The following CTNNA3 variants were observed in gnomAD, a reference collection of about 807,000 sequenced individuals.
CTNNA3 encodes the protein catenin alpha-3.
In CTNNA3, 76 loss-of-function variants were observed where a neutral mutation model predicts 95.7. The ratio of observed to expected loss-of-function variants is 0.79; its 90% CI spans 0.66 to 0.96. The LOEUF is 0.96. CTNNA3 is among the 40% of genes least tolerant of loss of function. CTNNA3 has a pLI of 0.00. For synonymous variants in CTNNA3, 431 were observed against 374.4 expected (o/e 1.15, Z -1.74); for missense variants, 1,191 against 1,089.8 (o/e 1.09, Z -1.31).
chr10:65,986,799 G>A (rs1163017177), intron 16 of CTNNA3, among the ~76,000 whole-genome samples: 1 of 151,272 alleles, frequency 6.6e-6, no homozygotes, highest in Non-Finnish European at 1.5e-5. Flanking sequence ...ACACGACCTG[G>A]CTTCAAAATA....
At chr10:66,385,234 C>T (rs192236208) in intron 11 of CTNNA3, among the ~76,000 whole-genome samples, 185 of 152,072 alleles carry the variant, frequency 1.2e-3, no homozygotes, top group African/African-American at 4.1e-3. Context: ...ATCAAATGAA[C>T]GCAATAAAAA....
At chr10:66,761,303 C>T (rs1466768516) in intron 9 of CTNNA3, among the ~76,000 whole-genome samples, 1 of 151,968 alleles carries the variant, frequency 6.6e-6, no homozygotes, top group Non-Finnish European at 1.5e-5. Flanking sequence ...CCACTTTTTC[C>T]TTTCTGATGA....
chr10:66,597,550 A>ATT lies in CTNNA3; in HGVS notation c.1374+24141_1374+24142insAA, dbSNP rs1843762666. Among the ~76,000 whole-genome samples, 4 of 133,122 alleles carry ATT rather than the reference A, an allele frequency of 3.0e-5. No individual in the cohort carries two copies. In the South Asian group the frequency reaches 9.7e-4, roughly 32 times the overall value. The allele number at this position is 133,122 out of a possible 152,430, so 87.3% of individuals were successfully genotyped here. ...TATATATATATATATATATATATATATATATTTATTAAAAATTTTAAAAAT... is the reference window on the plus strand; with the variant it reads ...TATATATATATATATATATATATATATTTATATTTATTAAAAATTTTAAAAAT... On this transcript the variant is annotated intron_variant, in intron 10 of 17. Coordinates refer to ENST00000433211, the MANE Select transcript of CTNNA3 (RefSeq NM_013266.4).
At chr10:65,921,692 A>C (rs1309261759) in intron 17 of CTNNA3, among the ~76,000 whole-genome samples, 2 of 152,156 alleles carry the variant, frequency 1.3e-5, no homozygotes, top group African/African-American at 4.8e-5. Context: ...TGCCATGCCA[A>C]CTGCTTCTTC....
chr10:67,217,945 C>T (rs1864460157), intron 6 of CTNNA3, among the ~76,000 whole-genome samples: 1 of 152,016 alleles, frequency 6.6e-6, no homozygotes, highest in Non-Finnish European at 1.5e-5. Flanking sequence ...AGTTAAAATG[C>T]AGTCAAAACA....
At chr10:66,083,454 A>AGGGTCAAAGGACCGCC (rs2080848355) in intron 14 of CTNNA3, among the ~76,000 whole-genome samples, 1 of 152,182 alleles carries the variant, frequency 6.6e-6, no homozygotes, top group African/African-American at 2.4e-5. Flanking sequence ...GTTTCACGTG[A>AGGGTCAAAGGACCGCC]GGGTCAAAGG....
chr10:67,272,558 A>C (rs976301359), intron 5 of CTNNA3, among the ~76,000 whole-genome samples: 2 of 152,156 alleles, frequency 1.3e-5, no homozygotes, highest in African/African-American at 4.8e-5. Flanking sequence ...GTCTCAAAAA[A>C]TAATAATAAA....
At chr10:67,119,572 TGGA>T (rs1461489260) in intron 7 of CTNNA3, among the ~76,000 whole-genome samples, 2 of 151,986 alleles carry the variant, frequency 1.3e-5, no homozygotes, top group East Asian at 3.8e-4. Context: ...AATTACAACT[TGGA>T]GAACAATTCA....
chr10:66,487,887 G>T (rs1016199531), intron 11 of CTNNA3, among the ~76,000 whole-genome samples: 10 of 152,110 alleles, frequency 6.6e-5, no homozygotes, highest in Non-Finnish European at 1.5e-5. Context: ...CTTGGTGGCT[G>T]TCTCAAAATC....
intron 13 of CTNNA3, among the ~76,000 whole-genome samples, chr10:66,127,500 C>G (rs1182251219): frequency 6.6e-6 from 1 of 151,970 alleles, no homozygotes; most frequent in African/African-American, 2.4e-5. Context: ...TACAAAATCT[C>G]TTATCTGTAT....
chr10:67,391,757 T>C (rs895321491), intron 5 of CTNNA3, among the ~76,000 whole-genome samples: 1 of 150,094 alleles, frequency 6.7e-6, no homozygotes, highest in Non-Finnish European at 1.5e-5. Context: ...GCCGCATATC[T>C]ACAACTATCT....
intron 10 of CTNNA3, among the ~76,000 whole-genome samples, chr10:66,570,480 G>C (rs1048128629): frequency 2.6e-5 from 4 of 151,806 alleles, no homozygotes; most frequent in African/African-American, 7.3e-5. Flanking sequence ...GTAGAGTCGG[G>C]GTTTCATCAT....
chr10:67,259,602 C>T (rs572033912), intron 5 of CTNNA3, among the ~76,000 whole-genome samples: 1 of 152,298 alleles, frequency 6.6e-6, no homozygotes, highest in East Asian at 1.9e-4. Flanking sequence ...TGTGAGAGCA[C>T]TTACACTGTA....
At chr10:66,022,333 G>T (rs1341557608) in intron 15 of CTNNA3, among the ~76,000 whole-genome samples, 4 of 152,138 alleles carry the variant, frequency 2.6e-5, no homozygotes, top group African/African-American at 9.7e-5. Context: ...AAAAATGAAT[G>T]ATGTATAGTT....
chr10:66,847,955 G>C (rs1843339728), intron 7 of CTNNA3, among the ~76,000 whole-genome samples: 1 of 152,112 alleles, frequency 6.6e-6, no homozygotes, highest in African/African-American at 2.4e-5. Flanking sequence ...TAATAGATGA[G>C]ATAGATGGAG....
chr10:66,462,473 T>C (rs1392785386), intron 11 of CTNNA3, among the ~76,000 whole-genome samples: 2 of 152,116 alleles, frequency 1.3e-5, no homozygotes, highest in Admixed American at 1.3e-4. Flanking sequence ...ATCTAATTAG[T>C]TTGCCTACAT....
Position 66,379,246 on chromosome 10 carries a change from T to C in CTNNA3, c.1638A>G (p.Arg546=), listed in dbSNP as rs1364528656. Residue 546 remains arginine (R), a synonymous_variant, in exon 12 of 18, where the codon AGA becomes AGG. Coordinates refer to ENST00000433211, the MANE Select transcript of CTNNA3 (RefSeq NM_013266.4). ...TTTCACCCGTGACGATGTGAGCAAC[T>C]CTTGCTGCCCGGCCTCTGATAGCAC... is the stretch of plus-strand genomic sequence containing the variant. ...AAGAIRGRAA[R]VAHIVTGEMD... The C allele has an allele frequency of 6.2e-7, 1 of 1,614,138 alleles. No homozygotes were observed. The highest frequency in any genetic ancestry group is 1.7e-5 in the Admixed American group (1 of 60,014).
chr10:66,448,961 G>A lies in CTNNA3; in HGVS notation c.1532-69609C>T, dbSNP rs1335613443. Among the ~76,000 whole-genome samples the A allele has an allele frequency of 2.6e-5, 4 of 151,992 alleles. No homozygotes were observed. The East Asian group carries it at 5.8e-4, about 22-fold the overall frequency. On this transcript the variant is annotated intron_variant, in intron 11 of 17. Transcript: ENST00000433211. ...AATAATCAGATGAGATTGGCTAAGA[G>A]TAAATCCATATGTCTCTTTCTTTTT... is the stretch of plus-strand genomic sequence containing the variant.
intron 14 of CTNNA3, chr10:66,097,921 T>C (rs994413311): frequency 6.6e-6 from 1 of 152,154 alleles, no homozygotes; most frequent in African/African-American, 2.4e-5. Context: ...TTTGCTCTTC[T>C]GGATTCCGTG....
Sources: allele counts gnomAD v4.1 joint callset (sites outside exome capture counted in the v4.1 genomes callset), GRCh38; gene constraint gnomAD v4.1.1; transcripts MANE v1.5; gene names NCBI Gene and HGNC (gene_info 2026-07-23, HGNC 2026-07-21).